The following FGF14 variants were observed in gnomAD, a reference collection of about 807,000 sequenced individuals.
FGF14 encodes the protein fibroblast growth factor 14, also known as fibroblast growth factor homologous factor 4.
In FGF14, 5 loss-of-function variants were observed where a neutral mutation model predicts 25.5. The observed-to-expected ratio is 0.20, with a 90% CI of 0.10 to 0.41. The LOEUF (loss-of-function observed/expected upper bound fraction) is 0.41, where lower values mean the gene tolerates loss of function less well. FGF14 is among the 10% of genes least tolerant of loss of function. FGF14 has a pLI of 1.00. For missense variants in FGF14, 222 were observed against 320.1 expected (o/e 0.69, Z 2.34); for synonymous variants, 138 against 118.3 (o/e 1.17, Z -1.08).
rs1043841956 is a variant in FGF14, at chr13:101,858,187, A to C, written c.408+10538T>G. Among the ~76,000 whole-genome samples the C allele has an allele frequency of 6.0e-5, 9 of 151,254 alleles. No homozygotes were observed. The Admixed American group carries it at 6.0e-4, about 10-fold the overall frequency. On this transcript the variant is annotated intron_variant, in intron 3 of 4. Coordinates refer to ENST00000376143, the MANE Select transcript of FGF14 (RefSeq NM_004115.4). ...TCACAGTGCCTGACAGGTACCTCCC[A>C]TACACTGTCCCTCCCAGAAGTAGGA...
At chr13:102,155,494 C>CTGG (rs201212129) in intron 1 of FGF14, among the ~76,000 whole-genome samples, 5,239 of 152,202 alleles carry the variant, frequency 0.034, 299 homozygotes, top group East Asian at 0.2. Context: ...ACCAGAATCT[C>CTGG]TGGGACACAT....
intron 1 of FGF14, among the ~76,000 whole-genome samples, chr13:101,927,377 T>C (rs2034437782): frequency 6.6e-6 from 1 of 152,222 alleles, no homozygotes; most frequent in South Asian, 2.1e-4. Context: ...TGCAGTCAGC[T>C]GTGCTCAGGA....
chr13:102,020,581 CAAAAG>C (rs1034474050), intron 1 of FGF14, among the ~76,000 whole-genome samples: 9 of 150,624 alleles, frequency 6.0e-5, no homozygotes, highest in East Asian at 2.0e-4. Context: ...AGGAAGGAAA[CAAAAG>C]AGAGAGAGAG....
At chr13:101,913,484 A>G (rs1378370277) in intron 1 of FGF14, among the ~76,000 whole-genome samples, 2 of 134,920 alleles carry the variant, frequency 1.5e-5, no homozygotes, top group African/African-American at 3.3e-5. Context: ...TAAATAAATT[A>G]CTACTTAATA....
At chr13:101,918,480 T>TTTA (rs1317324016), upstream of FGF14, among the ~76,000 whole-genome samples, 2 of 152,224 alleles carry the variant, frequency 1.3e-5, no homozygotes, top group Non-Finnish European at 2.9e-5. Flanking sequence ...TCTTCTCCAG[T>TTTA]GACTGCTTTA....
At chr13:101,895,454 AAAGT>A (rs1733847514) in intron 1 of FGF14, among the ~76,000 whole-genome samples, 1 of 152,110 alleles carries the variant, frequency 6.6e-6, no homozygotes, top group African/African-American at 2.4e-5. Context: ...TCATTCATTC[AAAGT>A]TAATTTTGCA....
chr13:101,873,395 G>A (rs1224197578), intron 2 of FGF14, among the ~76,000 whole-genome samples: 1 of 152,116 alleles, frequency 6.6e-6, no homozygotes, highest in Non-Finnish European at 1.5e-5. Flanking sequence ...TATGGTGTAT[G>A]TCCTGTCTTG....
At chr13:102,052,224 A>G (rs2042241256) in intron 1 of FGF14, among the ~76,000 whole-genome samples, 1 of 152,118 alleles carries the variant, frequency 6.6e-6, no homozygotes, top group African/African-American at 2.4e-5. Flanking sequence ...AAAACAACAA[A>G]AAGGAATAAA....
intron 1 of FGF14, among the ~76,000 whole-genome samples, chr13:102,215,242 GAACCTCC>G (rs1271690742): frequency 6.6e-6 from 1 of 152,182 alleles, no homozygotes; most frequent in African/African-American, 2.4e-5. Context: ...AGAAGTGAGA[GAACCTCC>G]AAGGTCAGCA....
intron 1 of FGF14, among the ~76,000 whole-genome samples, chr13:102,216,142 T>C (rs1048790746): frequency 7.2e-5 from 11 of 152,166 alleles, no homozygotes; most frequent in African/African-American, 2.7e-4. Flanking sequence ...ATCGCTGGGA[T>C]GTGAATAGAA....
At chr13:102,051,674 A>G (rs1364651411) in intron 1 of FGF14, among the ~76,000 whole-genome samples, 3 of 152,196 alleles carry the variant, frequency 2.0e-5, no homozygotes, top group African/African-American at 7.2e-5. Flanking sequence ...ATAGAGCTAT[A>G]CAAACACTAC....
intron 1 of FGF14, among the ~76,000 whole-genome samples, chr13:102,222,390 C>T (rs555821159): frequency 1.1e-4 from 17 of 152,208 alleles, no homozygotes; most frequent in African/African-American, 2.6e-4. Flanking sequence ...TGTTTGACAA[C>T]GTATGTAATT....
chr13:101,976,979 T>C (rs1211993572), intron 1 of FGF14, among the ~76,000 whole-genome samples: 1 of 152,218 alleles, frequency 6.6e-6, no homozygotes, highest in Non-Finnish European at 1.5e-5. Flanking sequence ...TATCATTACA[T>C]TCCATATATA....
At chr13:102,237,907 T>G (rs1039085500) in intron 1 of FGF14, among the ~76,000 whole-genome samples, 4 of 152,198 alleles carry the variant, frequency 2.6e-5, no homozygotes, top group Non-Finnish European at 5.9e-5. Context: ...TGAGGAAATC[T>G]GTCTTGGCAT....
At chr13:101,948,428 A>G (rs1406420127) in intron 1 of FGF14, among the ~76,000 whole-genome samples, 1 of 151,234 alleles carries the variant, frequency 6.6e-6, no homozygotes, top group Non-Finnish European at 1.5e-5. Context: ...ACAAACCTGC[A>G]CGTTGTGCAC....
chr13:101,980,949 G>C (rs1459168688), intron 1 of FGF14, among the ~76,000 whole-genome samples: 1 of 151,376 alleles, frequency 6.6e-6, no homozygotes, highest in Non-Finnish European at 1.5e-5. Context: ...TGTTATAAAA[G>C]AGGCCCCAGG....
chr13:101,852,563 G>T (rs1444178787), intron 3 of FGF14, among the ~76,000 whole-genome samples: 1 of 151,176 alleles, frequency 6.6e-6, no homozygotes, highest in African/African-American at 2.4e-5. Context: ...TGTGGATTTT[G>T]GGGTAAGTGC....
At chr13:101,822,827 C>T (rs1280677307) in intron 3 of FGF14, among the ~76,000 whole-genome samples, 2 of 152,092 alleles carry the variant, frequency 1.3e-5, no homozygotes, top group Non-Finnish European at 2.9e-5. Flanking sequence ...AGGTCTAAAT[C>T]CCACTACTTA....
chr13:102,158,644 C>T (rs999157988), intron 1 of FGF14, among the ~76,000 whole-genome samples: 1 of 151,692 alleles, frequency 6.6e-6, no homozygotes, highest in Non-Finnish European at 1.5e-5. Flanking sequence ...ACATTGTGCA[C>T]ATGTACCCTA....
Sources: gnomAD v4.1 joint callset for allele counts (sites outside exome capture counted in the v4.1 genomes callset) on GRCh38, gnomAD v4.1.1 for gene constraint, MANE v1.5 for transcripts, NCBI Gene and HGNC (gene_info 2026-07-23, HGNC 2026-07-21) for gene names.